Variants in PEBP4 observed in about 807,000 individuals in gnomAD.
PEBP4 encodes phosphatidylethanolamine binding protein 4.
Under a neutral mutation model 23.9 loss-of-function variants are expected in PEBP4, and 22 were observed. The observed-to-expected ratio is 0.92, with a 90% CI of 0.66 to 1.31. The LOEUF (loss-of-function observed/expected upper bound fraction) is 1.31. PEBP4 is among the 40% of genes most tolerant of loss of function. The probability of loss-of-function intolerance (pLI) is 0.00; values close to 1 mark genes in which losing one functional copy is unlikely to be tolerated. For synonymous variants in PEBP4, 112 were observed against 99.3 expected, an observed-to-expected ratio of 1.13 and a Z score of -0.76; for missense variants, 324 against 281.7, an observed-to-expected ratio of 1.15 and a Z score of -1.07.
intron 6 of PEBP4, among the ~76,000 whole-genome samples, chr8:22,717,290 G>A (rs1271066721): frequency 1.3e-5 from 2 of 152,190 alleles, no homozygotes; most frequent in Non-Finnish European, 2.9e-5. Flanking sequence ...TCCTGCCTGG[G>A]CCTCCCAAAG....
chr8:22,797,794 C>T (rs1028798958), intron 4 of PEBP4, among the ~76,000 whole-genome samples: 26 of 152,188 alleles, frequency 1.7e-4, no homozygotes, highest in Non-Finnish European at 2.8e-4. Context: ...GTTCATCTCC[C>T]TGGTCCTCAG....
intron 3 of PEBP4, among the ~76,000 whole-genome samples, chr8:22,832,682 T>G (rs960130736): frequency 1.3e-5 from 2 of 152,132 alleles, no homozygotes; most frequent in African/African-American, 4.8e-5. Context: ...GTGATCAGAT[T>G]TCAGCAGACA....
intron 3 of PEBP4, among the ~76,000 whole-genome samples, chr8:22,902,048 G>A (rs1808722409): frequency 6.6e-6 from 1 of 152,232 alleles, no homozygotes; most frequent in Non-Finnish European, 1.5e-5. Flanking sequence ...GCCGGGCGCA[G>A]TGGCTCATGC....
chr8:22,900,566 T>A (rs1413928414), intron 3 of PEBP4, among the ~76,000 whole-genome samples: 1 of 151,960 alleles, frequency 6.6e-6, no homozygotes, highest in East Asian at 1.9e-4. Context: ...TCAGAATCAC[T>A]TGAGCCCAGG....
intron 3 of PEBP4, among the ~76,000 whole-genome samples, chr8:22,867,909 T>C (rs1241619406): frequency 6.6e-6 from 1 of 152,168 alleles, no homozygotes; most frequent in East Asian, 1.9e-4. Flanking sequence ...TATTAGAGAT[T>C]TGGCCTGATA....
At chr8:22,792,965 T>C (rs182275061) in intron 4 of PEBP4, among the ~76,000 whole-genome samples, 1 of 152,344 alleles carries the variant, frequency 6.6e-6, no homozygotes, top group East Asian at 1.9e-4. Context: ...ATAATCAAAT[T>C]ATCTTGCCCA....
chr8:22,750,072 C>T (rs1805220054), intron 4 of PEBP4, among the ~76,000 whole-genome samples: 1 of 152,068 alleles, frequency 6.6e-6, no homozygotes, highest in Non-Finnish European at 1.5e-5. Flanking sequence ...TCCCAAAGTG[C>T]TGGGATTACA....
At chr8:22,887,828 A>T (rs1360060971) in intron 3 of PEBP4, 1 of 152,186 alleles carries the variant, frequency 6.6e-6, no homozygotes, top group Non-Finnish European at 1.5e-5. Flanking sequence ...TTTAAAAAGA[A>T]ACCCTCTGAA....
intron 3 of PEBP4, chr8:22,880,683 C>T (rs1260507020): frequency 6.5e-6 from 1 of 152,814 alleles, no homozygotes; most frequent in Non-Finnish European, 1.5e-5. Flanking sequence ...ACTTGCCCTT[C>T]CCGATACCTT....
chr8:22,727,276 CGTGG>C, intron 4 of PEBP4, 56 bp from the exon 5 acceptor site: 1 of 1,570,038 alleles, frequency 6.4e-7, no homozygotes, highest in Non-Finnish European at 8.7e-7. Context: ...CTTCAGGCCA[CGTGG>C]GCTCTGCGGG....
chr8:22,774,986 G>T (rs1378094908), intron 4 of PEBP4, among the ~76,000 whole-genome samples: 1 of 152,050 alleles, frequency 6.6e-6, no homozygotes, highest in Non-Finnish European at 1.5e-5. Flanking sequence ...CAGCTCCTGG[G>T]TGACACCATC....
intron 3 of PEBP4, among the ~76,000 whole-genome samples, chr8:22,883,424 C>A (rs1334970724): frequency 6.6e-6 from 1 of 152,128 alleles, no homozygotes; most frequent in African/African-American, 2.4e-5. Flanking sequence ...CACCAGTGAC[C>A]TGATCTCCCT....
At chr8:22,821,975 A>T (rs1296870213) in intron 3 of PEBP4, among the ~76,000 whole-genome samples, 2 of 89,662 alleles carry the variant, frequency 2.2e-5, no homozygotes, top group Non-Finnish European at 4.4e-5. Flanking sequence ...ACAGAGCAAG[A>T]CCTCGTCTCA....
At chr8:22,828,904 G>A (rs1033312884) in intron 3 of PEBP4, among the ~76,000 whole-genome samples, 29 of 152,118 alleles carry the variant, frequency 1.9e-4, no homozygotes, top group African/African-American at 6.5e-4. Context: ...CCCTGAAGCT[G>A]CTTGTCATCC....
intron 4 of PEBP4, among the ~76,000 whole-genome samples, chr8:22,755,308 A>ATACTCATTT (rs1455737047): frequency 7.3e-6 from 1 of 136,446 alleles, no homozygotes; most frequent in African/African-American, 2.8e-5. Flanking sequence ...CCAAAATCGT[A>ATACTCATTT]TACTCATTTC....
Position 22,920,243 on chromosome 8 carries a change from A to G in PEBP4, c.199T>C (p.Tyr67His). The stretch of plus-strand genomic sequence containing the variant: ...ATCCAGGAGGTGATCTTCTGTCTGT[A>G]GTTGTTACAATCAGGAACAACCTTG... ...GCKVVPDCNN[Y>H]RQKITSWMEP... The change falls in exon 3 of 7, where the codon TAC becomes CAC. Residue 67 changes from tyrosine (Y) to histidine (H), a missense_variant. Transcript: ENST00000256404. 1 of 1,613,738 alleles carries G rather than the reference A, an allele frequency of 6.2e-7. No homozygotes were observed. Among genetic ancestry groups the G allele is most frequent in the Non-Finnish European group, 8.5e-7 (1 of 1,179,830 alleles).
chr8:22,927,198 A>G (rs1162098393), intron 2 of PEBP4, among the ~76,000 whole-genome samples: 3 of 151,976 alleles, frequency 2.0e-5, no homozygotes, highest in Non-Finnish European at 2.9e-5. Flanking sequence ...CTTTCATTCA[A>G]ATGCCTCTTT....
chr8:22,817,556 T>G, intron 4 of PEBP4, 81 bp downstream of exon 4: 422 of 1,301,156 alleles, frequency 3.2e-4, no homozygotes, highest in Non-Finnish European at 4.3e-4. Context: ...CCTTCCTGGA[T>G]GAGAGGTGGG....
intron 2 of PEBP4, among the ~76,000 whole-genome samples, chr8:22,923,188 C>T (rs1408904736): frequency 6.6e-6 from 1 of 152,154 alleles, no homozygotes; most frequent in Non-Finnish European, 1.5e-5. Context: ...TTCCCCGCAC[C>T]ACACGTTTTC....
Sources: gnomAD v4.1 joint callset for allele counts (sites outside exome capture counted in the v4.1 genomes callset) on GRCh38, gnomAD v4.1.1 for gene constraint, MANE v1.5 for transcripts, NCBI Gene and HGNC (gene_info 2026-07-23, HGNC 2026-07-21) for gene names.